Variants in CCDC141 observed in about 807,000 individuals in gnomAD.
CCDC141 encodes coiled-coil domain containing 141, also known as coiled-coil domain-containing protein 141.
A neutral mutation model predicts 181.0 loss-of-function variants in CCDC141; 168 were observed. The observed-to-expected ratio is 0.93, with a 90% CI of 0.82 to 1.05. The LOEUF (loss-of-function observed/expected upper bound fraction) is 1.05. Ranked by LOEUF, CCDC141 falls within the 50% of genes least tolerant of loss-of-function variation. The pLI, the probability that CCDC141 is intolerant of heterozygous loss-of-function variation, is 0.00. For missense variants in CCDC141, 1,902 were observed against 1,788.5 expected (o/e 1.06, Z -1.14); for synonymous variants, 666 against 642.3 (o/e 1.04, Z -0.56).
At chr2:179,035,833 G>T (rs988418462) in intron 2 of CCDC141, among the ~76,000 whole-genome samples, 2 of 152,188 alleles carry the variant, frequency 1.3e-5, no homozygotes, top group African/African-American at 2.4e-5. Context: ...CAGTCACAGA[G>T]TCTCCAATTT....
intron 11 of CCDC141, among the ~76,000 whole-genome samples, chr2:178,880,998 AC>A (rs970852922): frequency 1.3e-5 from 2 of 152,146 alleles, no homozygotes; most frequent in Non-Finnish European, 2.9e-5. Context: ...GGGCTGAGGA[AC>A]CACTTTTGAG....
chr2:178,843,867 CT>C (rs1243079484), intron 22 of CCDC141, among the ~76,000 whole-genome samples: 2 of 152,226 alleles, frequency 1.3e-5, no homozygotes, highest in African/African-American at 4.8e-5. Context: ...TTACTGCCAC[CT>C]TTTCATTTTG....
At chr2:178,891,571 CTAAG>C (rs147515731) in intron 8 of CCDC141, among the ~76,000 whole-genome samples, 8,569 of 152,208 alleles carry the variant, frequency 0.056, 385 homozygotes, top group Admixed American at 0.15. Flanking sequence ...GCTGGCTTTT[CTAAG>C]TAATGCAATG....
chr2:178,836,729 C>T lies in CCDC141; in HGVS notation c.4325+165G>A, dbSNP rs16866555. On this transcript the variant is annotated intron_variant, in intron 23 of 23. Coordinates refer to ENST00000443758, the MANE Select transcript of CCDC141 (RefSeq NM_173648.4). ...TTTCTTAAAGGTATTAACTATGCTG[C>T]TACTAAAATGAGAGGGGTCTGATGT... The T allele has an allele frequency of 1.7e-3, 1,169 of 679,982 alleles. 14 individuals carry two copies. The African/African-American group carries it at 0.019, about 11-fold the overall frequency. The allele number at this position is 679,982 out of a possible 1,614,324, so 42.1% of individuals were successfully genotyped here.
chr2:178,955,579 A>T (rs1007058970), intron 5 of CCDC141, among the ~76,000 whole-genome samples: 1 of 152,014 alleles, frequency 6.6e-6, no homozygotes, highest in Admixed American at 6.5e-5. Context: ...TTTCAATGTA[A>T]CAAAAAAACA....
At chr2:178,863,679 G>A (rs923834722) in intron 17 of CCDC141, among the ~76,000 whole-genome samples, 3 of 152,110 alleles carry the variant, frequency 2.0e-5, no homozygotes, top group Non-Finnish European at 4.4e-5. Flanking sequence ...TCCAGGGTGT[G>A]CACACGCACT....
At chr2:178,900,310 T>TA (rs1687624044) in intron 8 of CCDC141, among the ~76,000 whole-genome samples, 2 of 152,020 alleles carry the variant, frequency 1.3e-5, no homozygotes, top group Admixed American at 6.6e-5. Context: ...AATAATTATG[T>TA]AAAAATTAAG....
intron 2 of CCDC141, among the ~76,000 whole-genome samples, chr2:179,027,065 G>T (rs1341921338): frequency 1.3e-5 from 2 of 152,192 alleles, no homozygotes; most frequent in Non-Finnish European, 2.9e-5. Flanking sequence ...TGAGACGTTG[G>T]ACTGTGGACT....
rs1685255023 is a variant in CCDC141 at position 178,853,509 on chromosome 2, A to G, written c.3176T>C (p.Ile1059Thr). 2 of 1,614,054 alleles carry G rather than the reference A, an allele frequency of 1.2e-6. No homozygotes were observed. The highest frequency in any genetic ancestry group is 1.3e-5 in the African/African-American group (1 of 74,932). Reference sequence around the variant, plus strand: ...TTCTTGCTGCGGCACTGAGGGTGCAATAAACTTATTAAACTGCTGGTGGAG... The same window carrying G: ...TTCTTGCTGCGGCACTGAGGGTGCAGTAAACTTATTAAACTGCTGGTGGAG... ...KILHQQFNKF[I>T]APSVPQQEER... The change falls in exon 20 of 24, where the codon ATT becomes ACT. Residue 1059 changes from isoleucine (I) to threonine (T), a missense_variant. Coordinates refer to ENST00000443758, the MANE Select transcript of CCDC141 (RefSeq NM_173648.4).
chr2:178,975,851 T>C (rs1451258076), intron 3 of CCDC141, among the ~76,000 whole-genome samples: 1 of 152,176 alleles, frequency 6.6e-6, no homozygotes, highest in Non-Finnish European at 1.5e-5. Context: ...TATTTAAATC[T>C]ATAATTTGTA....
intron 8 of CCDC141, among the ~76,000 whole-genome samples, chr2:178,904,409 T>TA (rs1469021110): frequency 1.3e-5 from 2 of 152,254 alleles, no homozygotes; most frequent in African/African-American, 4.8e-5. Context: ...AACCCAAAGT[T>TA]ACCAAATCAA....
At position 178,997,269 on chromosome 2, in the gene CCDC141, G is replaced by A. The variant is rs368889615; in HGVS notation, c.226-18594C>T. Among the ~76,000 whole-genome samples, 8 of 152,240 alleles carry A rather than the reference G, an allele frequency of 5.3e-5. No individual in the cohort carries two copies. In the East Asian group the frequency reaches 1.5e-3, roughly 29 times the overall value. On this transcript the variant is annotated intron_variant, in intron 2 of 23. Transcript: ENST00000443758. The stretch of plus-strand genomic sequence containing the variant: ...GCCCATGTGCCACATCATCCTGTGG[G>A]CCAGGCCTTCCCTTCTGAATCTGGT...
intron 2 of CCDC141, among the ~76,000 whole-genome samples, chr2:179,027,652 A>T (rs1278813974): frequency 1.9e-4 from 2 of 10,540 alleles, no homozygotes; most frequent in Non-Finnish European, 2.8e-4. Flanking sequence ...CTCTCAAAAA[A>T]AAAAAAAAAA....
intron 20 of CCDC141, among the ~76,000 whole-genome samples, chr2:178,852,523 T>G (rs1353315762): frequency 6.6e-6 from 1 of 152,232 alleles, no homozygotes; most frequent in African/African-American, 2.4e-5. Flanking sequence ...ATTATTTTTA[T>G]GTTTCTATCC....
chr2:178,966,102 A>T (rs1051129020), intron 4 of CCDC141, among the ~76,000 whole-genome samples: 2 of 152,196 alleles, frequency 1.3e-5, no homozygotes, highest in African/African-American at 4.8e-5. Flanking sequence ...TCTGAAAAAA[A>T]GGCAGCCGCC....
At chr2:179,043,178 AT>A (rs1424720377) in intron 2 of CCDC141, among the ~76,000 whole-genome samples, 2 of 152,178 alleles carry the variant, frequency 1.3e-5, no homozygotes, top group African/African-American at 4.8e-5. Flanking sequence ...CCAGGAAGAA[AT>A]TGAATCCTTG....
At chr2:178,903,176 A>C (rs1687789952) in intron 8 of CCDC141, among the ~76,000 whole-genome samples, 15 of 145,974 alleles carry the variant, frequency 1.0e-4, no homozygotes, top group Admixed American at 1.4e-4. Flanking sequence ...AAACTAGTTC[A>C]ACCATTGTGG....
chr2:178,887,517 C>T (rs4894061), intron 9 of CCDC141, among the ~76,000 whole-genome samples: 2,767 of 152,258 alleles, frequency 0.018, 164 homozygotes, highest in Admixed American at 0.12. Context: ...CTCAAATTGG[C>T]TCCAAATTGG....
At position 178,959,407 on chromosome 2, in the gene CCDC141, G is replaced by A. The variant is rs868549548; in HGVS notation, c.780+1823C>T. On this transcript the variant is annotated intron_variant, in intron 5 of 23. Coordinates refer to ENST00000443758, the MANE Select transcript of CCDC141 (RefSeq NM_173648.4). The stretch of plus-strand genomic sequence containing the variant: ...CTCTGGGAACACGGTGGCTGGTCAG[G>A]ATTAGGGCAGAGAGAGACAGACAGC... 2.9e-4 allele frequency among the ~76,000 whole-genome samples: 44 copies of A among 152,222 alleles called. No homozygotes were observed. The Middle Eastern group carries it at 0.017, about 59-fold the overall frequency.
Sources: allele counts gnomAD v4.1 joint callset (sites outside exome capture counted in the v4.1 genomes callset), GRCh38; gene constraint gnomAD v4.1.1; transcripts MANE v1.5; gene names NCBI Gene and HGNC (gene_info 2026-07-23, HGNC 2026-07-21).